MYO7A: variants seen among roughly 807,000 people sequenced by gnomAD.
MYO7A encodes the protein unconventional myosin-VIIa.
MYO7A carries 210 observed loss-of-function variants against 263.8 expected under a neutral mutation model. That is an observed-to-expected ratio of 0.80 (90% CI 0.71 to 0.89). The LOEUF (loss-of-function observed/expected upper bound fraction) is 0.89, where lower values mean the gene tolerates loss of function less well. Ranked by LOEUF, MYO7A falls within the 40% of genes least tolerant of loss-of-function variation. MYO7A has a pLI of 0.00. For synonymous variants in MYO7A, 1,239 were observed against 1,197.3 expected, an observed-to-expected ratio of 1.03 and a Z score of -0.72; for missense variants, 2,820 against 2,968.3, an observed-to-expected ratio of 0.95 and a Z score of 1.16.
At chr11:77,174,289 G>A (rs372014955) in intron 16 of MYO7A, among the ~76,000 whole-genome samples, 4 of 152,230 alleles carry the variant, frequency 2.6e-5, no homozygotes, top group South Asian at 2.1e-4. Flanking sequence ...TACCTGCAAC[G>A]TGAAAGGTCC....
intron 42 of MYO7A, 138 bp downstream of exon 42, chr11:77,207,540 G>A (rs1957533580): frequency 1.1e-5 from 8 of 707,354 alleles, no homozygotes; most frequent in Non-Finnish European, 2.0e-5. Context: ...TTCCATCCCT[G>A]CAGCCTCCCC....
At chr11:77,175,132 A>G (rs1954519818) in intron 17 of MYO7A, among the ~76,000 whole-genome samples, 1 of 152,234 alleles carries the variant, frequency 6.6e-6, no homozygotes, top group Non-Finnish European at 1.5e-5. Flanking sequence ...TGTAAGGAAC[A>G]AGACCAGGGC....
Position 77,206,149 on chromosome 11 carries a change from C to T in MYO7A, c.5689C>T (p.His1897Tyr). ...PHLVEVEAIQ[H>Y]KTTQIFHKVY... ...CCTGGTGGAGGTGGAGGCCATCCAG[C>T]ACAAGACCACCCAGATTTTCCACAA... The change falls in exon 41 of 49, where the codon CAC (histidine) becomes TAC (tyrosine). Residue 1897 changes from histidine (H) to tyrosine (Y), a missense_variant. Coordinates refer to ENST00000409709, the MANE Select transcript of MYO7A (RefSeq NM_000260.4). The T allele has an allele frequency of 1.2e-6, 2 of 1,613,586 alleles. No individual in the cohort carries two copies. The highest frequency in any genetic ancestry group is 1.7e-6 in the Non-Finnish European group (2 of 1,179,760).
chr11:77,198,257 C>T (rs1054620314), intron 33 of MYO7A, among the ~76,000 whole-genome samples: 4 of 152,204 alleles, frequency 2.6e-5, no homozygotes, highest in Non-Finnish European at 5.9e-5. Flanking sequence ...GGGGCTTGTC[C>T]AAAGCTGCAC....
chr11:77,201,199 T>C lies in MYO7A; in HGVS notation c.4853-249T>C, dbSNP rs560807232. ...GAGGAGAGGCGAGGTGGAAGGAGTC[T>C]GGGAGGCCCGCTCACAACAGGCCCA... On this transcript the variant is annotated intron_variant, in intron 35 of 48. Transcript: ENST00000409709. Among the ~76,000 whole-genome samples, 23 of 152,226 alleles carry C rather than the reference T, an allele frequency of 1.5e-4. No homozygotes were observed. In the South Asian group the frequency reaches 4.8e-3, roughly 32 times the overall value.
At position 77,162,146 on chromosome 11, in the gene MYO7A, C is replaced by T. The variant is rs111033286; in HGVS notation, c.1370C>T (p.Ala457Val). 1.2e-6 allele frequency: 2 copies of T among 1,603,196 alleles called. No individual in the cohort carries two copies. The highest frequency in any genetic ancestry group is 1.7e-6 in the Non-Finnish European group (2 of 1,174,952). The change falls in exon 13 of 49, where the codon GCC becomes GTC. Residue 457 changes from alanine to valine, a missense_variant. Ala to Val is a moderately conservative substitution (Grantham distance 64). Coordinates refer to ENST00000409709, the MANE Select transcript of MYO7A (RefSeq NM_000260.4). Reference sequence around the variant, plus strand: ...TTTGAGCAGCTCTGCATCAACTTCGCCAATGAGCACCTGCAGCAGTTCTTT... The same window carrying T: ...TTTGAGCAGCTCTGCATCAACTTCGTCAATGAGCACCTGCAGCAGTTCTTT... ...NSFEQLCINF[A>V]NEHLQQFFVR...
At chr11:77,191,403 T>C (rs952832222) in intron 30 of MYO7A, among the ~76,000 whole-genome samples, 4 of 152,208 alleles carry the variant, frequency 2.6e-5, no homozygotes, top group African/African-American at 9.6e-5. Flanking sequence ...CAGTCCTGTG[T>C]CCTCAGGCCC....
Position 77,202,320 on chromosome 11 carries a change from C to T in MYO7A, c.5064C>T (p.Pro1688=), listed in dbSNP as rs752890141. Residue 1688 remains proline (P), a synonymous_variant, in exon 37 of 49, where the codon CCC becomes CCT. Coordinates refer to ENST00000409709, the MANE Select transcript of MYO7A (RefSeq NM_000260.4). ...REIVALVTMT[P]DQRQDVVRLL... ...CCTAGGCCCTGGTCACCATGACTCC[C>T]GATCAGAGGCAGGACGTTGTCCGGC... 2.2e-5 allele frequency: 35 copies of T among 1,586,086 alleles called. No homozygotes were observed. In the East Asian group the frequency reaches 5.0e-4, roughly 23 times the overall value.
chr11:77,130,624 G>A lies in MYO7A; in HGVS notation c.-11G>A, dbSNP rs782357935. 3.4e-5 allele frequency: 55 copies of A among 1,613,256 alleles called. No individual in the cohort carries two copies. Among genetic ancestry groups the A allele is most frequent in the South Asian group, 2.5e-4 (23 of 90,716 alleles). ...GGCCCAGTGGGCAGCAGGAGCTCCT[G>A]ACTTGGGACCATGGTGATTCTTCAG... On this transcript the variant is annotated 5_prime_UTR_variant, in exon 2 of 49. Transcript: ENST00000409709.
intron 4 of MYO7A, among the ~76,000 whole-genome samples, chr11:77,153,262 TG>T (rs1349225226): frequency 2.0e-5 from 3 of 151,174 alleles, no homozygotes; most frequent in Non-Finnish European, 4.4e-5. Context: ...GAGGGAGGGG[TG>T]TCCAGGGGCT....
intron 16 of MYO7A, 49 bp downstream of exon 16, chr11:77,172,934 G>A (rs781993108): frequency 3.9e-6 from 6 of 1,520,756 alleles, no homozygotes; most frequent in Non-Finnish European, 5.3e-6. Flanking sequence ...GGGTGACGTG[G>A]AGGAGCTAGG....
chr11:77,179,181 T>G (rs1469333136), intron 20 of MYO7A, 52 bp downstream of exon 20: 2 of 1,505,022 alleles, frequency 1.3e-6, no homozygotes, highest in African/African-American at 1.4e-5. Context: ...GAACCCAGCC[T>G]TGCTGCCATG....
At chr11:77,211,541 C>T (rs1425181884) in intron 45 of MYO7A, among the ~76,000 whole-genome samples, 2 of 152,124 alleles carry the variant, frequency 1.3e-5, no homozygotes, top group Non-Finnish European at 2.9e-5. Context: ...ACTTGGCAGT[C>T]ATTTATCCTG....
At chr11:77,190,963 C>T in intron 30 of MYO7A, 93 bp downstream of exon 30, 1 of 1,326,732 alleles carries the variant, frequency 7.5e-7, no homozygotes, top group Non-Finnish European at 1.0e-6. Context: ...CGGGGCTATT[C>T]ACCCTTGAGC....
In MYO7A at chr11:77,161,046, A is replaced by T; in HGVS notation, c.1274A>T (p.Asp425Val). 1 of 1,613,934 alleles carries T rather than the reference A, an allele frequency of 6.2e-7. No individual in the cohort carries two copies. The highest frequency in any genetic ancestry group is 8.5e-7 in the Non-Finnish European group (1 of 1,179,872). ...GCAATTTACAAGCCTCCCTCCCAGG[A>T]TGTGAAGAACTCTCGCAGGTCCATC... is the stretch of plus-strand genomic sequence containing the variant. ...NAAIYKPPSQ[D>V]VKNSRRSIGL... Residue 425 changes from aspartate (D) to valine (V), a missense_variant, in exon 12 of 49, where the codon GAT becomes GTT. Physicochemically the swap from Asp to Val is radical, Grantham distance 152. Transcript: ENST00000409709.
At chr11:77,199,045 G>T (rs539812634) in intron 34 of MYO7A, among the ~76,000 whole-genome samples, 1 of 152,352 alleles carries the variant, frequency 6.6e-6, no homozygotes, top group Non-Finnish European at 1.5e-5. Context: ...TAGGTGGAAT[G>T]GTGGGGTGGG....
intron 4 of MYO7A, among the ~76,000 whole-genome samples, chr11:77,151,489 C>T (rs1951958842): frequency 6.6e-6 from 1 of 152,188 alleles, no homozygotes; most frequent in South Asian, 2.1e-4. Context: ...GGCCTGGGCA[C>T]TTCCTGGAGG....
chr11:77,183,267 C>G, intron 26 of MYO7A, 110 bp downstream of exon 26: 1 of 917,916 alleles, frequency 1.1e-6, no homozygotes, highest in Non-Finnish European at 1.7e-6. Flanking sequence ...GGAGTGGACA[C>G]TGTCTGTCCT....
At chr11:77,128,994 C>A (rs1255841945) in intron 1 of MYO7A, among the ~76,000 whole-genome samples, 1 of 152,146 alleles carries the variant, frequency 6.6e-6, no homozygotes, top group Non-Finnish European at 1.5e-5. Context: ...CAGTCTATGC[C>A]CCCTGTTGTC....
Sources: gnomAD v4.1 joint callset for allele counts (sites outside exome capture counted in the v4.1 genomes callset) on GRCh38, gnomAD v4.1.1 for gene constraint, MANE v1.5 for transcripts, NCBI Gene and HGNC (gene_info 2026-07-23, HGNC 2026-07-21) for gene names.